TEKT5: variants seen among roughly 807,000 people sequenced by gnomAD.
TEKT5 encodes tektin-5.
Under a neutral mutation model 48.7 loss-of-function variants are expected in TEKT5, and 52 were observed. That is an observed-to-expected ratio of 1.07 (90% confidence interval 0.86 to 1.35). The LOEUF (loss-of-function observed/expected upper bound fraction) is 1.35, where lower values mean the gene tolerates loss of function less well. Ranked by LOEUF, TEKT5 falls within the 40% of genes most tolerant of loss-of-function variation. The pLI, the probability that TEKT5 is intolerant of heterozygous loss-of-function variation, is 0.00. For missense variants in TEKT5, 831 were observed against 641.6 expected, an observed-to-expected ratio of 1.30 and a Z score of -3.19; for synonymous variants, 318 against 267.6, an observed-to-expected ratio of 1.19 and a Z score of -1.84.
rs28497334 is a variant in TEKT5, at chr16:10,687,748, G to A, written c.719+1505C>T. Among the ~76,000 whole-genome samples, 601 of 152,332 alleles carry A rather than the reference G, an allele frequency of 3.9e-3. 3 individuals are homozygous for A. The highest frequency in any genetic ancestry group is 0.014 in the African/African-American group (570 of 41,558). On this transcript the variant is annotated intron_variant, in intron 3 of 6. Coordinates refer to ENST00000283025, the MANE Select transcript of TEKT5 (RefSeq NM_144674.2). The stretch of plus-strand genomic sequence containing the variant: ...AGTCTGGGCAGCAGAATGAGACTTC[G>A]TCTCAAACAAATAAATAAACAAATA...
chr16:10,670,092 C>A (rs1192582305), intron 5 of TEKT5, among the ~76,000 whole-genome samples: 9 of 151,838 alleles, frequency 5.9e-5, no homozygotes, highest in African/African-American at 2.2e-4. Context: ...TAGATTTGGT[C>A]TTACAAGGTG....
intron 5 of TEKT5, among the ~76,000 whole-genome samples, chr16:10,645,502 T>G (rs575294344): frequency 6.6e-6 from 1 of 151,746 alleles, no homozygotes; most frequent in Non-Finnish European, 1.5e-5. Context: ...CAGAGCAAGA[T>G]CCTATATAAT....
chr16:10,654,056 C>G (rs1206559753), intron 5 of TEKT5, among the ~76,000 whole-genome samples: 1 of 151,762 alleles, frequency 6.6e-6, no homozygotes, highest in Non-Finnish European at 1.5e-5. Context: ...GGTGGCTGTT[C>G]TATCATTTTT....
chr16:10,686,715 G>C (rs1898867455), intron 3 of TEKT5, among the ~76,000 whole-genome samples: 5 of 152,168 alleles, frequency 3.3e-5, no homozygotes, highest in Admixed American at 2.6e-4. Flanking sequence ...CTGATAAGGG[G>C]TTACTATCCA....
Position 10,694,721 on chromosome 16 carries a change from CCT to C in TEKT5, c.151_152del (p.Arg51AlafsTer2). 1 of 1,614,034 alleles carries C rather than the reference CCT, an allele frequency of 6.2e-7. No homozygotes were observed. Among genetic ancestry groups the C allele is most frequent in the African/African-American group, 1.3e-5 (1 of 75,038 alleles). ...LPGYRYLNSW[R>X]PSLFYKIANV... ...TGGCTATCTTGTAGAAGAGGCTAGG[CCT>C]CCATGAATTGAGGTAGCGGTACCCG... On this transcript the variant is annotated frameshift_variant, in exon 1 of 7. Transcript: ENST00000283025. LOFTEE classifies it high-confidence loss of function.
chr16:10,648,264 C>A (rs1047932208), intron 5 of TEKT5, among the ~76,000 whole-genome samples: 5 of 152,172 alleles, frequency 3.3e-5, no homozygotes, highest in African/African-American at 1.2e-4. Flanking sequence ...CATTATAGAA[C>A]CAAACCAATC....
At chr16:10,660,777 T>C (rs1898356442) in intron 5 of TEKT5, among the ~76,000 whole-genome samples, 1 of 151,986 alleles carries the variant, frequency 6.6e-6, no homozygotes, top group Non-Finnish European at 1.5e-5. Flanking sequence ...CTCAGCTCAC[T>C]ATAACCTCCA....
chr16:10,679,040 G>T (rs1252433986), intron 4 of TEKT5, among the ~76,000 whole-genome samples: 1 of 152,162 alleles, frequency 6.6e-6, no homozygotes, highest in Non-Finnish European at 1.5e-5. Context: ...GTGTGAGCTT[G>T]AGCCAATCGA....
At chr16:10,645,184 C>CCG (rs1183786348) in intron 5 of TEKT5, among the ~76,000 whole-genome samples, 3 of 152,154 alleles carry the variant, frequency 2.0e-5, no homozygotes, top group Non-Finnish European at 4.4e-5. Context: ...CAAGCCCCCC[C>CCG]AGTTATTGCA....
At chr16:10,628,549 T>TGAG (rs1281863790) in intron 6 of TEKT5, among the ~76,000 whole-genome samples, 3 of 152,154 alleles carry the variant, frequency 2.0e-5, no homozygotes, top group African/African-American at 7.2e-5. Context: ...GATGGATGGA[T>TGAG]GAGTGGATAA....
chr16:10,637,119 T>C (rs545495346), intron 5 of TEKT5, among the ~76,000 whole-genome samples: 13 of 151,926 alleles, frequency 8.6e-5, no homozygotes, highest in Non-Finnish European at 1.2e-4. Context: ...GTAGCTGGGA[T>C]TACAGGTGCC....
chr16:10,635,861 T>C lies in TEKT5; in HGVS notation c.1144A>G (p.Met382Val), dbSNP rs774822261. The C allele has an allele frequency of 6.8e-6, 11 of 1,613,988 alleles. No homozygotes were observed. The highest frequency in any genetic ancestry group is 2.2e-5 in the East Asian group (1 of 44,870). Residue 382 changes from methionine to valine, a missense_variant, in exon 6 of 7, where the codon ATG becomes GTG. Transcript: ENST00000283025. ...NTIMLLERSI[M>V]AKEGPLKVAQ... ...ACCTTCAGCGGGCCCTCCTTGGCCATGATGGACCTTTCCAGCAGCATGATG... is the reference window on the plus strand; with the variant it reads ...ACCTTCAGCGGGCCCTCCTTGGCCACGATGGACCTTTCCAGCAGCATGATG...
intron 5 of TEKT5, among the ~76,000 whole-genome samples, chr16:10,648,318 T>A (rs1898101648): frequency 6.6e-6 from 1 of 151,742 alleles, no homozygotes; most frequent in Admixed American, 6.6e-5. Flanking sequence ...TTTATTTTTA[T>A]TTATCATTTT....
At position 10,652,720 on chromosome 16, in the gene TEKT5, CACA is replaced by C. The variant is rs1567228359; in HGVS notation, c.1087-16805_1087-16803del. Among the ~76,000 whole-genome samples, 41 of 96,872 alleles carry C rather than the reference CACA, an allele frequency of 4.2e-4. 5 individuals carry two copies. The highest frequency in any genetic ancestry group is 2.8e-3 in the East Asian group (9 of 3,198). The allele number at this position is 96,872 out of a possible 152,430, so 63.6% of individuals were successfully genotyped here. A position where few individuals can be genotyped will look rare whatever the true frequency, so the allele number is the denominator to read the frequency against. On this transcript the variant is annotated intron_variant, in intron 5 of 6. Transcript: ENST00000283025. ...ACACACACACACACACACACACACA[CACA>C]CCCTCCAGGCCAGGTAGAGTGATCC...
At chr16:10,650,913 A>G (rs8054865) in intron 5 of TEKT5, among the ~76,000 whole-genome samples, 40,317 of 150,736 alleles carry the variant, frequency 0.27, 5,954 homozygotes, top group Middle Eastern at 0.42. Context: ...CACCCACTGT[A>G]TCTGGGGGGC....
In TEKT5 at chr16:10,639,497, T is replaced by A. The variant is rs371297785; in HGVS notation, c.1087-3579A>T. ...ATACCTATAAGACCTTGGGCATCCATGTCCTTAAATGGAGGTGATAAAAGT... is the reference window on the plus strand; with the variant it reads ...ATACCTATAAGACCTTGGGCATCCAAGTCCTTAAATGGAGGTGATAAAAGT... On this transcript the variant is annotated intron_variant, in intron 5 of 6. Coordinates refer to ENST00000283025, the MANE Select transcript of TEKT5 (RefSeq NM_144674.2). Among the ~76,000 whole-genome samples, 11 of 152,276 alleles carry A rather than the reference T, an allele frequency of 7.2e-5. No homozygotes were observed. In the East Asian group the frequency reaches 1.4e-3, roughly 19 times the overall value.
At position 10,690,004 on chromosome 16, in the gene TEKT5, G is replaced by A; in HGVS notation, c.586C>T (p.His196Tyr). 6.2e-7 allele frequency: 1 copy of A among 1,614,028 alleles called. No homozygotes were observed. Among genetic ancestry groups the A allele is most frequent in the South Asian group, 1.1e-5 (1 of 91,072 alleles). ...PLQVALECLY[H>Y]REKRIGIDLV... ...TCAATCCCAATCCTCTTCTCTCGAT[G>A]GTACAGACACTCCAAGGCCACCTGT... is the stretch of plus-strand genomic sequence containing the variant. Residue 196 changes from histidine (H) to tyrosine (Y), a missense_variant, in exon 2 of 7, where the codon CAT (histidine) becomes TAT (tyrosine). By Grantham distance (83) the His-to-Tyr change is moderately conservative. Transcript: ENST00000283025.
chr16:10,675,865 G>A, intron 5 of TEKT5, 94 bp downstream of exon 5: 9 of 1,288,664 alleles, frequency 7.0e-6, no homozygotes, highest in Non-Finnish European at 8.9e-6. Flanking sequence ...TGGCACCAGG[G>A]GCAGGGCCAG....
intron 5 of TEKT5, among the ~76,000 whole-genome samples, chr16:10,641,647 C>T (rs1897995798): frequency 6.6e-6 from 1 of 152,100 alleles, no homozygotes; most frequent in African/African-American, 2.4e-5. Context: ...ATAGTGAGAC[C>T]TTGTCTCCAC....
Sources: allele counts gnomAD v4.1 joint callset (sites outside exome capture counted in the v4.1 genomes callset), GRCh38; gene constraint gnomAD v4.1.1; transcripts MANE v1.5; gene names NCBI Gene and HGNC (gene_info 2026-07-23, HGNC 2026-07-21).